NFE2L2: variants seen among roughly 807,000 people sequenced by gnomAD.
The protein encoded by NFE2L2 is nuclear factor erythroid 2-related factor 2.
NFE2L2 carries 20 observed loss-of-function variants against 49.6 expected under a neutral mutation model. The observed-to-expected ratio is 0.40, with a 90% CI of 0.28 to 0.59. The LOEUF (loss-of-function observed/expected upper bound fraction) is 0.59, where lower values mean the gene tolerates loss of function less well. Among genes scored for constraint, NFE2L2 ranks in the 20% least tolerant of loss-of-function variants. NFE2L2 has a pLI of 0.40. For synonymous variants in NFE2L2, 244 were observed against 256.5 expected (o/e 0.95, Z 0.47); for missense variants, 578 against 714.2 (o/e 0.81, Z 2.17).
At chr2:177,261,218 T>C (rs755416546) in intron 1 of NFE2L2, among the ~76,000 whole-genome samples, 1 of 151,258 alleles carries the variant, frequency 6.6e-6, no homozygotes, top group Non-Finnish European at 1.5e-5. Context: ...CCTTTCTAAA[T>C]TGAATCCACC....
At chr2:177,263,384 C>T (rs1420819196) in intron 1 of NFE2L2, 5 of 985,356 alleles carry the variant, frequency 5.1e-6, no homozygotes, top group Non-Finnish European at 2.4e-6. Flanking sequence ...AAATTCTAAT[C>T]TACACTCGCA....
chr2:177,231,159 T>C lies in NFE2L2; in HGVS notation c.1444A>G (p.Asn482Asp). The change falls in exon 5 of 5, where the codon AAC (asparagine) becomes GAC (aspartate). Residue 482 changes from asparagine to aspartate, a missense_variant. Physicochemically the swap from Asn to Asp is conservative, Grantham distance 23 (BLOSUM62 1). This residue lies in a region of NFE2L2 where 117 missense variants were observed against 175.8 expected (regional missense o/e 0.67). Coordinates refer to ENST00000397062, the MANE Select transcript of NFE2L2 (RefSeq NM_006164.5). Reference sequence around the variant, plus strand: ...AACTGCTCTTTGGACATCATTTCGTTGAAGTCAACAACAGGGAGGTTAATG... The same window carrying C: ...AACTGCTCTTTGGACATCATTTCGTCGAAGTCAACAACAGGGAGGTTAATG... ...KIINLPVVDF[N>D]EMMSKEQFNE... is the part of the protein sequence containing the mutation. 6.2e-7 allele frequency: 1 copy of C among 1,614,180 alleles called. No homozygotes were observed. Among genetic ancestry groups the C allele is most frequent in the Non-Finnish European group, 8.5e-7 (1 of 1,180,028 alleles).
At chr2:177,233,675 A>C in intron 2 of NFE2L2, 1 of 507,304 alleles carries the variant, frequency 2.0e-6, no homozygotes, top group Admixed American at 3.7e-5. Context: ...TGCCACACAC[A>C]GTAACGCCAG....
intron 1 of NFE2L2, among the ~76,000 whole-genome samples, chr2:177,238,142 G>GT (rs1214686145): frequency 1.3e-5 from 2 of 152,208 alleles, no homozygotes; most frequent in East Asian, 1.9e-4. Flanking sequence ...GGGGAAAAGT[G>GT]TACTTTGACA....
In NFE2L2 at chr2:177,235,362, A is replaced by G. The variant is rs80192071; in HGVS notation, c.46-1091T>C. 7.1e-3 allele frequency among the ~76,000 whole-genome samples: 1,078 copies of G among 151,866 alleles called. 6 individuals are homozygous for G. The highest frequency in any genetic ancestry group is 0.024 in the African/African-American group (1,007 of 41,408). ...TGAGGTAGGAGGATCACTTCAGTCC[A>G]GGAGGTCATGGCAGCAGTGAGCTAT... On this transcript the variant is annotated intron_variant, in intron 1 of 4. Transcript: ENST00000397062.
At chr2:177,255,202 A>AG (rs1690474770) in intron 1 of NFE2L2, among the ~76,000 whole-genome samples, 1 of 152,194 alleles carries the variant, frequency 6.6e-6, no homozygotes, top group Admixed American at 6.5e-5. Context: ...CATCTCTCTG[A>AG]GGAGGAAAGA....
intron 1 of NFE2L2, among the ~76,000 whole-genome samples, chr2:177,252,017 A>AG (rs1553490693): frequency 3.1e-4 from 46 of 149,532 alleles, no homozygotes; most frequent in African/African-American, 1.1e-3. Context: ...AAAAAAAAAA[A>AG]GGGATTTTTT....
chr2:177,249,913 A>G (rs1462546905), intron 1 of NFE2L2, among the ~76,000 whole-genome samples: 1 of 152,240 alleles, frequency 6.6e-6, no homozygotes, highest in East Asian at 1.9e-4. Context: ...CATGAGGGAC[A>G]GTGCAGTATA....
intron 1 of NFE2L2, among the ~76,000 whole-genome samples, chr2:177,259,072 G>C (rs922663089): frequency 6.6e-6 from 1 of 152,204 alleles, no homozygotes; most frequent in African/African-American, 2.4e-5. Flanking sequence ...CACTTTCGGA[G>C]ACCAAGGTGG....
intron 1 of NFE2L2, among the ~76,000 whole-genome samples, chr2:177,242,864 T>C (rs1311822927): frequency 6.6e-6 from 1 of 151,992 alleles, no homozygotes; most frequent in Non-Finnish European, 1.5e-5. Flanking sequence ...GAATTTTCCA[T>C]GAGAGGTTCA....
At chr2:177,249,845 A>T (rs1690269679) in intron 1 of NFE2L2, among the ~76,000 whole-genome samples, 1 of 152,242 alleles carries the variant, frequency 6.6e-6, no homozygotes, top group Non-Finnish European at 1.5e-5. Context: ...TAAAATTTAA[A>T]TCAAAATTTA....
At chr2:177,246,774 CT>C (rs56311819) in intron 1 of NFE2L2, among the ~76,000 whole-genome samples, 1,611 of 117,492 alleles carry the variant, frequency 0.014, 11 homozygotes, top group Non-Finnish European at 0.021. Flanking sequence ...TAATATTTTA[CT>C]TTTTTTTTTT....
chr2:177,261,093 C>T (rs1690717946), intron 1 of NFE2L2, among the ~76,000 whole-genome samples: 1 of 149,960 alleles, frequency 6.7e-6, no homozygotes, highest in Admixed American at 6.6e-5. Flanking sequence ...ATCACTTGAA[C>T]CCGGGAAGTA....
At chr2:177,241,861 C>CAA (rs973784939) in intron 1 of NFE2L2, among the ~76,000 whole-genome samples, 1 of 152,110 alleles carries the variant, frequency 6.6e-6, no homozygotes, top group Non-Finnish European at 1.5e-5. Flanking sequence ...AAAAACAAAA[C>CAA]AAAAACAACA....
chr2:177,246,492 GC>G (rs1201212079), intron 1 of NFE2L2, among the ~76,000 whole-genome samples: 3 of 151,958 alleles, frequency 2.0e-5, no homozygotes, highest in African/African-American at 7.3e-5. Context: ...TTCTTAGGAA[GC>G]CATTAAATAC....
At chr2:177,264,169 C>G (rs535300414) in intron 1 of NFE2L2, among the ~76,000 whole-genome samples, 1 of 152,204 alleles carries the variant, frequency 6.6e-6, no homozygotes, top group African/African-American at 2.4e-5. Context: ...TCCGCCCCCT[C>G]TTGCCCCGCC....
rs375627384 is a variant in NFE2L2 at position 177,231,770 on chromosome 2, T to A, written c.833A>T (p.Asn278Ile). The A allele has an allele frequency of 2.5e-6, 4 of 1,614,116 alleles. No individual in the cohort carries two copies. The highest frequency in any genetic ancestry group is 3.4e-6 in the Non-Finnish European group (4 of 1,180,046). The change falls in exon 5 of 5, where the codon AAC becomes ATC. Residue 278 changes from asparagine (N) to isoleucine (I), a missense_variant. Around this residue, in one of 3 missense-constraint regions of NFE2L2, gnomAD observed 368 missense variants for 384.6 expected, o/e 0.96. Transcript: ENST00000397062. ...VNSLNSDATV[N>I]TDFGDEFYSA... ...ATAAAATTCATCACCAAAATCTGTGTTGACTGTGGCATCTGAATTTAATGA... is the reference window on the plus strand; with the variant it reads ...ATAAAATTCATCACCAAAATCTGTGATGACTGTGGCATCTGAATTTAATGA...
At position 177,262,740 on chromosome 2, in the gene NFE2L2, AATAAT is replaced by A. The variant is rs530290874; in HGVS notation, c.45+1787_45+1791del. Among the ~76,000 whole-genome samples the A allele has an allele frequency of 3.6e-3, 511 of 143,700 alleles. 3 individuals carry two copies. The highest frequency in any genetic ancestry group is 5.6e-3 in the Non-Finnish European group (381 of 68,014). 94.3% of individuals were successfully genotyped at this position (143,700 alleles called of 152,430 possible). A position where few individuals can be genotyped will look rare whatever the true frequency, so the allele number is the denominator to read the frequency against. On this transcript the variant is annotated intron_variant, in intron 1 of 4. Coordinates refer to ENST00000397062, the MANE Select transcript of NFE2L2 (RefSeq NM_006164.5). The stretch of plus-strand genomic sequence containing the variant: ...CACAGCAAAGAAAGAAAAATTCAAA[AATAAT>A]AGAGGGCTGTAGACAATTCCGGAAA...
chr2:177,240,065 C>T (rs1403997802), intron 1 of NFE2L2, among the ~76,000 whole-genome samples: 2 of 152,104 alleles, frequency 1.3e-5, no homozygotes, highest in African/African-American at 2.4e-5. Flanking sequence ...CTGTAAGGAG[C>T]CGTGTGACTG....
Sources: gnomAD v4.1 joint callset for allele counts (sites outside exome capture counted in the v4.1 genomes callset) on GRCh38, gnomAD v4.1.1 for gene constraint, gnomAD v4.1.1 regional missense constraint, MANE v1.5 for transcripts, NCBI Gene and HGNC (gene_info 2026-07-23, HGNC 2026-07-21) for gene names.